Variants in TRPM3 observed in about 807,000 individuals in gnomAD.
TRPM3 encodes long transient receptor potential channel 3.
TRPM3 carries 77 observed loss-of-function variants against 181.2 expected under a neutral mutation model. The ratio of observed to expected loss-of-function variants is 0.42; its 90% confidence interval spans 0.35 to 0.51. The LOEUF is 0.51. Ranked by LOEUF, TRPM3 falls within the 20% of genes least tolerant of loss-of-function variation. The pLI is 0.01. For synonymous variants in TRPM3, 745 were observed against 796.4 expected (o/e 0.94, Z 1.09); for missense variants, 1,759 against 2,196.7 (o/e 0.80, Z 3.98).
intron 22 of TRPM3, among the ~76,000 whole-genome samples, chr9:70,575,420 T>A (rs1241224300): frequency 6.6e-6 from 1 of 152,198 alleles, no homozygotes; most frequent in Non-Finnish European, 1.5e-5. Flanking sequence ...GACACTGTGC[T>A]GTTTGTTTCA....
At chr9:71,221,278 A>T (rs148580324) in intron 1 of TRPM3, among the ~76,000 whole-genome samples, 88 of 152,180 alleles carry the variant, frequency 5.8e-4, no homozygotes, top group Non-Finnish European at 1.1e-3. Flanking sequence ...CAATCTGGAC[A>T]TTTACTGGAA....
chr9:71,392,120 C>G (rs1368977297), intron 1 of TRPM3, among the ~76,000 whole-genome samples: 1 of 152,048 alleles, frequency 6.6e-6, no homozygotes, highest in African/African-American at 2.4e-5. Context: ...GAAAATATGA[C>G]AATGAAAATT....
chr9:71,032,056 TATTATATA>T (rs2057491166), intron 1 of TRPM3, among the ~76,000 whole-genome samples: 1 of 1,292 alleles, frequency 7.7e-4, no homozygotes, highest in Non-Finnish European at 9.8e-4. Flanking sequence ...ATATTATATA[TATTATATA>T]TATTATATTA....
chr9:70,741,129 C>A (rs2073995392), intron 8 of TRPM3, among the ~76,000 whole-genome samples: 1 of 152,062 alleles, frequency 6.6e-6, no homozygotes, highest in Non-Finnish European at 1.5e-5. Flanking sequence ...AACAAACAAT[C>A]CCATCAAAAA....
upstream of TRPM3, among the ~76,000 whole-genome samples, chr9:71,121,848 C>T (rs2073691699): frequency 6.6e-6 from 1 of 152,130 alleles, no homozygotes; most frequent in South Asian, 2.1e-4. Flanking sequence ...GAAGGGGTGC[C>T]TCCGAATGAT....
chr9:70,651,155 C>T (rs1294167066), intron 9 of TRPM3, among the ~76,000 whole-genome samples: 1 of 152,070 alleles, frequency 6.6e-6, no homozygotes, highest in Non-Finnish European at 1.5e-5. Context: ...AGCCATAGCA[C>T]TTTAATACTG....
intron 1 of TRPM3, among the ~76,000 whole-genome samples, chr9:71,126,801 G>T (rs965163335): frequency 2.0e-5 from 3 of 152,128 alleles, no homozygotes; most frequent in African/African-American, 7.2e-5. Context: ...TCCACCCTCT[G>T]CACAAATGCC....
At chr9:71,077,469 C>A (rs927474355) in intron 1 of TRPM3, among the ~76,000 whole-genome samples, 12 of 152,156 alleles carry the variant, frequency 7.9e-5, no homozygotes, top group Admixed American at 5.2e-4. Flanking sequence ...ATATACATAT[C>A]CTATGTGAAT....
At chr9:71,333,798 C>T (rs1565472742) in intron 1 of TRPM3, among the ~76,000 whole-genome samples, 2 of 151,848 alleles carry the variant, frequency 1.3e-5, no homozygotes. Flanking sequence ...CAGTAGATAC[C>T]TAATACAGAA....
intron 3 of TRPM3, among the ~76,000 whole-genome samples, chr9:70,846,908 C>CATGT (rs1437156263): frequency 2.0e-5 from 3 of 152,172 alleles, no homozygotes; most frequent in African/African-American, 7.2e-5. Flanking sequence ...CCACCCTTTA[C>CATGT]ATGTGTACAA....
chr9:70,975,058 A>G (rs2097289808), intron 1 of TRPM3, among the ~76,000 whole-genome samples: 1 of 151,720 alleles, frequency 6.6e-6, no homozygotes, highest in Non-Finnish European at 1.5e-5. Flanking sequence ...TAGTGGAGAC[A>G]AGGTTTCAGC....
At position 71,253,307 on chromosome 9, in the gene TRPM3, T is replaced by C. The variant is rs562538255; in HGVS notation, c.183+193346A>G. Among the ~76,000 whole-genome samples, 10 of 152,288 alleles carry C rather than the reference T, an allele frequency of 6.6e-5. No homozygotes were observed. The South Asian group carries it at 2.1e-3, about 32-fold the overall frequency. Reference sequence around the variant, plus strand: ...TTTATAGTAAGGAAGAAACCATGCATTATGGCTTAGGTCAGTAACTATCAG... The same window carrying C: ...TTTATAGTAAGGAAGAAACCATGCACTATGGCTTAGGTCAGTAACTATCAG... On this transcript the variant is annotated intron_variant, in intron 1 of 24. Transcript: ENST00000357533.
chr9:71,212,210 G>A (rs141813074), intron 1 of TRPM3, among the ~76,000 whole-genome samples: 22 of 152,170 alleles, frequency 1.4e-4, no homozygotes, highest in African/African-American at 4.3e-4. Context: ...TCAACCTCCC[G>A]GGCTCAAGCC....
At position 70,981,786 on chromosome 9, in the gene TRPM3, A is replaced by T. The variant is rs1326948137; in HGVS notation, c.178-117275T>A. On this transcript the variant is annotated intron_variant, in intron 1 of 25. Coordinates refer to ENST00000677713, the MANE Select transcript of TRPM3 (RefSeq NM_001366145.2). ...CATCTTTTCCCCCATTTCATTTTGA[A>T]GCTCCTCCTTCTAAGACACACATAA... Among the ~76,000 whole-genome samples, 3 of 152,164 alleles carry T rather than the reference A, an allele frequency of 2.0e-5. No homozygotes were observed. The East Asian group carries it at 5.8e-4, about 29-fold the overall frequency.
chr9:70,890,076 T>C (rs1415218), intron 1 of TRPM3, among the ~76,000 whole-genome samples: 106,185 of 147,514 alleles, frequency 0.72, 38,432 homozygotes, highest in Middle Eastern at 0.78. Context: ...TATAGTGTAC[T>C]ATATACTATA....
intron 1 of TRPM3, among the ~76,000 whole-genome samples, chr9:71,194,153 G>A (rs2078197486): frequency 6.6e-6 from 1 of 151,732 alleles, no homozygotes; most frequent in Non-Finnish European, 1.5e-5. Context: ...TACTAAATTA[G>A]GAAATCCAAC....
chr9:71,266,661 G>A (rs1333055113), intron 1 of TRPM3, among the ~76,000 whole-genome samples: 1 of 152,116 alleles, frequency 6.6e-6, no homozygotes, highest in African/African-American at 2.4e-5. Flanking sequence ...AATTGCATGT[G>A]TATAATACAG....
chr9:71,196,167 A>ATGTGTGTGTGTG (rs71507026), intron 1 of TRPM3, among the ~76,000 whole-genome samples: 12 of 149,340 alleles, frequency 8.0e-5, no homozygotes, highest in African/African-American at 3.0e-4. Context: ...ACACACGTAT[A>ATGTGTGTGTGTG]TGTGTGTGTG....
chr9:70,668,650 G>GCGAGACTC (rs1173541007), intron 9 of TRPM3, among the ~76,000 whole-genome samples: 2 of 125,652 alleles, frequency 1.6e-5, no homozygotes, highest in Non-Finnish European at 1.6e-5. Flanking sequence ...GGGCGACAGA[G>GCGAGACTC]CGAGACTCCG....
Sources: allele counts gnomAD v4.1 joint callset (sites outside exome capture counted in the v4.1 genomes callset), GRCh38; gene constraint gnomAD v4.1.1; transcripts MANE v1.5; gene names NCBI Gene and HGNC (gene_info 2026-07-23, HGNC 2026-07-21).